The following AKAP9 variants were observed in gnomAD, a reference collection of about 807,000 sequenced individuals.
The protein encoded by AKAP9 is A-kinase anchoring protein 9.
In AKAP9, 311 loss-of-function variants were observed where a neutral mutation model predicts 488.5. That is an observed-to-expected ratio of 0.64 (90% confidence interval 0.58 to 0.70). The LOEUF (loss-of-function observed/expected upper bound fraction) is 0.70. Among genes scored for constraint, AKAP9 ranks in the 30% least tolerant of loss-of-function variants. The pLI, the probability that AKAP9 is intolerant of heterozygous loss-of-function variation, is 0.00. For missense variants in AKAP9, 4,215 were observed against 4,374.5 expected (o/e 0.96, Z 1.03); for synonymous variants, 1,462 against 1,483.5 (o/e 0.99, Z 0.33).
chr7:92,079,177 A>C lies in AKAP9; in HGVS notation c.7044A>C (p.Glu2348Asp). 6.2e-7 allele frequency: 1 copy of C among 1,614,034 alleles called. No individual in the cohort carries two copies. The highest frequency in any genetic ancestry group is 8.5e-7 in the Non-Finnish European group (1 of 1,179,978). Residue 2348 changes from glutamate (E) to aspartate (D), a missense_variant, in exon 31 of 50, where the codon GAA (glutamate) becomes GAC (aspartate). Physicochemically the swap from Glu to Asp is conservative, Grantham distance 45. This residue lies in a region of AKAP9 where 1,476 missense variants were observed against 1,477.4 expected (regional missense o/e 1.00). Transcript: ENST00000356239. ...QECVKRNREE[E>D]IEQLNEVIEK... ...GTGTGAAGAGAAATAGAGAAGAAGAAATAGAGCAGCTCAATGAAGTGATTG... is the reference window on the plus strand; with the variant it reads ...GTGTGAAGAGAAATAGAGAAGAAGACATAGAGCAGCTCAATGAAGTGATTG...
rs554292233 is a variant in AKAP9, at chr7:91,956,399, C to CAA, written c.48+15272_48+15273dup. Among the ~76,000 whole-genome samples the CAA allele has an allele frequency of 1.2e-4, 13 of 108,088 alleles. No homozygotes were observed. In the East Asian group the frequency reaches 1.9e-3, roughly 16 times the overall value. 70.9% of individuals were successfully genotyped at this position (108,088 alleles called of 152,430 possible). On this transcript the variant is annotated intron_variant, in intron 1 of 49. Coordinates refer to ENST00000356239, the MANE Select transcript of AKAP9 (RefSeq NM_005751.5). The stretch of plus-strand genomic sequence containing the variant: ...TGGGCAACAGAGTGAGACTCTGTCT[C>CAA]AAAAAAAAAAAAAAAAAAAAAGTAG...
chr7:91,953,965 G>A (rs1792618898), intron 1 of AKAP9, among the ~76,000 whole-genome samples: 1 of 152,086 alleles, frequency 6.6e-6, no homozygotes, highest in Admixed American at 6.5e-5. Flanking sequence ...CCAAGTGTAA[G>A]CAGTCTAATT....
rs201974831 is a variant in AKAP9 at position 91,978,681 on chromosome 7, CTT to C, written c.307-1602_307-1601del. ...GTGGTTATTTTTTCTTTAGTTATTA[CTT>C]TTTTTAGCATCATGATGATATGATT... On this transcript the variant is annotated intron_variant, in intron 2 of 49. Transcript: ENST00000356239. Among the ~76,000 whole-genome samples, 243 of 151,986 alleles carry C rather than the reference CTT, an allele frequency of 1.6e-3. 1 individual carries two copies. Among genetic ancestry groups the C allele is most frequent in the Admixed American group, 8.8e-3 (135 of 15,258 alleles).
rs1816849346 is a variant in AKAP9 at position 92,097,656 on chromosome 7, C to T, written c.10469C>T (p.Thr3490Ile). The T allele has an allele frequency of 1.2e-6, 2 of 1,614,052 alleles. No homozygotes were observed. Among genetic ancestry groups the T allele is most frequent in the Admixed American group, 3.3e-5 (2 of 60,004 alleles). Residue 3490 changes from threonine to isoleucine, a missense_variant, in exon 42 of 50, where the codon ACA (threonine) becomes ATA (isoleucine). Transcript: ENST00000356239. ...CTTCAACAGAAAATAGAAGGAGAAACAAAAGAATCAAACTACGCTAAATTG... is the reference window on the plus strand; with the variant it reads ...CTTCAACAGAAAATAGAAGGAGAAATAAAAGAATCAAACTACGCTAAATTG... ...WVLQQKIEGETKESNYAKLIE... is the reference protein window; with the variant it reads ...WVLQQKIEGEIKESNYAKLIE...
intron 29 of AKAP9, 105 bp from the exon 30 acceptor site, chr7:92,077,591 G>C (rs1238429218): frequency 2.0e-6 from 2 of 1,007,480 alleles, no homozygotes; most frequent in Non-Finnish European, 3.1e-6. Flanking sequence ...TGGTGTCTCT[G>C]ATTTTATTCA....
intron 16 of AKAP9, among the ~76,000 whole-genome samples, chr7:92,037,178 G>A (rs1805342053): frequency 6.6e-6 from 1 of 152,168 alleles, no homozygotes; most frequent in African/African-American, 2.4e-5. Context: ...TATACTTCTA[G>A]ACAGATTCAT....
intron 33 of AKAP9, among the ~76,000 whole-genome samples, chr7:92,084,029 A>C (rs1563114326): frequency 6.6e-6 from 1 of 151,890 alleles, no homozygotes; most frequent in Non-Finnish European, 1.5e-5. Context: ...CCCTGTGTCC[A>C]TGTGTTCTCA....
In AKAP9 at chr7:92,097,025, C is replaced by A. The variant is rs1453382766; in HGVS notation, c.10066C>A (p.His3356Asn). The A allele has an allele frequency of 1.9e-6, 3 of 1,614,112 alleles. No homozygotes were observed. The highest frequency in any genetic ancestry group is 2.5e-6 in the Non-Finnish European group (3 of 1,180,042). The part of the protein sequence containing the change: ...KELQKQLEEK[H>N]SRIVELLNET... ...GCTGCAGAAACAGCTAGAGGAAAAA[C>A]ACAGTCGCATAGTAGAATTGTTAAA... is the stretch of plus-strand genomic sequence containing the variant. The change falls in exon 41 of 50, where the codon CAC (histidine) becomes AAC (asparagine). Residue 3356 changes from histidine to asparagine, a missense_variant. Transcript: ENST00000356239.
In AKAP9 at chr7:92,082,566, T is replaced by C. The variant is rs1295679909; in HGVS notation, c.8064T>C (p.Phe2688=). Residue 2688 remains phenylalanine (F), a synonymous_variant, in exon 32 of 50, where the codon TTT becomes TTC. Transcript: ENST00000356239. The part of the protein sequence containing the change: ...LFHSNEESGF[F]NELEALRAES... The stretch of plus-strand genomic sequence containing the variant: ...ATAGCAATGAAGAAAGTGGATTTTT[T>C]AATGAACTCGAGGCTCTTAGAGCTG... 1 of 1,613,872 alleles carries C rather than the reference T, an allele frequency of 6.2e-7. No homozygotes were observed. Among genetic ancestry groups the C allele is most frequent in the Non-Finnish European group, 8.5e-7 (1 of 1,179,920 alleles).
intron 39 of AKAP9, 82 bp from the exon 40 acceptor site, chr7:92,094,940 AT>A: frequency 1.6e-6 from 2 of 1,260,840 alleles, no homozygotes; most frequent in Non-Finnish European, 2.3e-6. Flanking sequence ...GCCTCAACTT[AT>A]CAGTAGAAGC....
chr7:92,052,231 A>G (rs1366542463), intron 21 of AKAP9, among the ~76,000 whole-genome samples: 1 of 152,184 alleles, frequency 6.6e-6, no homozygotes, highest in Non-Finnish European at 1.5e-5. Flanking sequence ...ATGTAGGCTC[A>G]AAAGTCAGTC....
At chr7:91,956,043 A>G (rs1256154087) in intron 1 of AKAP9, among the ~76,000 whole-genome samples, 1 of 152,200 alleles carries the variant, frequency 6.6e-6, no homozygotes, top group African/African-American at 2.4e-5. Flanking sequence ...AACACAAAAA[A>G]GAGTCTTTAC....
chr7:92,107,219 A>G, intron 47 of AKAP9, 74 bp from the exon 48 acceptor site: 1 of 1,401,006 alleles, frequency 7.1e-7, no homozygotes, highest in Non-Finnish European at 1.0e-6. Flanking sequence ...TTGAGCAGTT[A>G]CCTATTTTGT....
intron 37 of AKAP9, among the ~76,000 whole-genome samples, chr7:92,087,705 G>A (rs1466060652): frequency 2.0e-5 from 3 of 151,872 alleles, no homozygotes; most frequent in Admixed American, 6.6e-5. Context: ...TGTTTTGCTG[G>A]CAAGTAAGGA....
chr7:92,082,413 A>G (rs972935333), intron 31 of AKAP9, 109 bp from the exon 32 acceptor site: 30 of 1,194,824 alleles, frequency 2.5e-5, no homozygotes, highest in Middle Eastern at 5.1e-4. Context: ...AACTCCTTAT[A>G]TCTGTAGGCA....
At chr7:92,003,322 C>G in intron 8 of AKAP9, 87 bp downstream of exon 8, 1 of 999,834 alleles carries the variant, frequency 1.0e-6, no homozygotes, top group Non-Finnish European at 1.5e-6. Context: ...AACATAAGTT[C>G]ATATCCTTAC....
chr7:92,103,930 CT>C (rs1381043541), intron 46 of AKAP9, among the ~76,000 whole-genome samples: 1 of 151,864 alleles, frequency 6.6e-6, no homozygotes, highest in Non-Finnish European at 1.5e-5. Context: ...TTTGCTAGTG[CT>C]TTTATTGTTC....
At chr7:91,983,989 T>G (rs1796757164) in intron 3 of AKAP9, among the ~76,000 whole-genome samples, 1 of 152,052 alleles carries the variant, frequency 6.6e-6, no homozygotes, top group Non-Finnish European at 1.5e-5. Context: ...GGGGTTTTTT[T>G]CTTGTAAATT....
intron 12 of AKAP9, among the ~76,000 whole-genome samples, chr7:92,017,730 G>A (rs1801721240): frequency 6.6e-6 from 1 of 152,152 alleles, no homozygotes; most frequent in Non-Finnish European, 1.5e-5. Context: ...TTAATTGATA[G>A]TGAAAGTTAT....
Sources: allele counts gnomAD v4.1 joint callset (sites outside exome capture counted in the v4.1 genomes callset), GRCh38; gene constraint gnomAD v4.1.1; regional missense constraint gnomAD v4.1.1; transcripts MANE v1.5; gene names NCBI Gene and HGNC (gene_info 2026-07-23, HGNC 2026-07-21).